Variants in TMEM44 observed in about 807,000 individuals in gnomAD.
TMEM44 encodes the protein transmembrane protein 44.
TMEM44 carries 43 observed loss-of-function variants against 47.8 expected under a neutral mutation model. The ratio of observed to expected loss-of-function variants is 0.90; its 90% CI spans 0.70 to 1.16. The LOEUF (loss-of-function observed/expected upper bound fraction) is 1.16, where lower values mean the gene tolerates loss of function less well. Among genes scored for constraint, TMEM44 ranks in the 50% most tolerant of loss-of-function variants. TMEM44 has a pLI of 0.00. For missense variants in TMEM44, 568 were observed against 555.2 expected, an observed-to-expected ratio of 1.02 and a Z score of -0.23; for synonymous variants, 277 against 238.8, an observed-to-expected ratio of 1.16 and a Z score of -1.48.
Position 194,588,346 on chromosome 3 carries a change from A to C in TMEM44, c.*183T>G, listed in dbSNP as rs185079464. The C allele has an allele frequency of 1.7e-6, 1 of 594,496 alleles. No individual in the cohort carries two copies. The highest frequency in any genetic ancestry group is 2.8e-5 in the East Asian group (1 of 35,592). The allele number at this position is 594,496 out of a possible 1,614,324, so 36.8% of individuals were successfully genotyped here. A position where few individuals can be genotyped will look rare whatever the true frequency, so the allele number is the denominator to read the frequency against. ...CTATCCAGGTCTGTCCGCAGTACCC[A>C]AAGTCGTAGCTCCGTGATGAGCTAT... On this transcript the variant is annotated 3_prime_UTR_variant, in exon 10 of 10. Coordinates refer to ENST00000347147, the MANE Select transcript of TMEM44 (RefSeq NM_001011655.3).
rs575900578 is a variant in TMEM44, at chr3:194,611,705, A to C, written c.913-685T>G. Among the ~76,000 whole-genome samples the C allele has an allele frequency of 6.6e-6, 1 of 152,096 alleles. No individual in the cohort carries two copies. The highest frequency in any genetic ancestry group is 1.5e-5 in the Non-Finnish European group (1 of 68,030). On this transcript the variant is annotated intron_variant, in intron 7 of 9. Coordinates refer to ENST00000347147, the MANE Select transcript of TMEM44 (RefSeq NM_001011655.3). The surrounding 1 kb of genome is among the most constrained non-coding windows in gnomAD (Gnocchi z 4.2). ...GTTCTCTAACCTTGATGCACATCAG[A>C]AGCACCCTGTGGGTTTTGCTAAAAT...
At position 194,604,434 on chromosome 3, in the gene TMEM44, A is replaced by T; in HGVS notation, c.1029T>A (p.Ser343Arg). The change falls in exon 9 of 10, where the codon AGT (serine) becomes AGA (arginine). Residue 343 changes from serine to arginine, a missense_variant. By Grantham distance (110) the Ser-to-Arg change is moderately radical. Transcript: ENST00000347147. The stretch of plus-strand genomic sequence containing the variant: ...GCCCGTCACCTGGCAGCCTGGTGGC[A>T]CTGCAGCCTGCCTGCAAGGTGTGTG... ...TIEPVQQAGC[S>R]ATRLPGDGQT... is the part of the protein sequence containing the mutation. 6.6e-7 allele frequency: 1 copy of T among 1,517,734 alleles called. No homozygotes were observed. The highest frequency in any genetic ancestry group is 8.9e-7 in the Non-Finnish European group (1 of 1,125,704). 94.0% of individuals were successfully genotyped at this position (1,517,734 alleles called of 1,614,324 possible).
intron 8 of TMEM44, among the ~76,000 whole-genome samples, chr3:194,609,355 C>T (rs1280193847): frequency 2.6e-5 from 4 of 151,996 alleles, no homozygotes; most frequent in Non-Finnish European, 4.4e-5. Flanking sequence ...TGGGACAGGG[C>T]GTTGGACTCC....
In TMEM44 at chr3:194,633,253, G is replaced by C; in HGVS notation, c.-38C>G. 1 of 1,137,834 alleles carries C rather than the reference G, an allele frequency of 8.8e-7. No homozygotes were observed. Among genetic ancestry groups the C allele is most frequent in the Non-Finnish European group, 1.1e-6 (1 of 913,934 alleles). The allele number at this position is 1,137,834 out of a possible 1,614,324, so 70.5% of individuals were successfully genotyped here. A position where few individuals can be genotyped will look rare whatever the true frequency, so the allele number is the denominator to read the frequency against. On this transcript the variant is annotated 5_prime_UTR_variant, in exon 1 of 10. Coordinates refer to ENST00000347147, the MANE Select transcript of TMEM44 (RefSeq NM_001011655.3). ...CGCGCGGCGCGGGGCCGGGGACCTGGGCGCAGCCTCCCTCGCCGCGGGCAA... is the reference window on the plus strand; with the variant it reads ...CGCGCGGCGCGGGGCCGGGGACCTGCGCGCAGCCTCCCTCGCCGCGGGCAA...
intron 1 of TMEM44, among the ~76,000 whole-genome samples, chr3:194,632,199 G>T (rs1717895371): frequency 6.6e-6 from 1 of 152,226 alleles, no homozygotes; most frequent in African/African-American, 2.4e-5. Flanking sequence ...GTTAATGAAT[G>T]CAACACTGGG....
chr3:194,632,362 C>T (rs1717914500), intron 1 of TMEM44, among the ~76,000 whole-genome samples: 1 of 152,054 alleles, frequency 6.6e-6, no homozygotes, highest in African/African-American at 2.4e-5. Flanking sequence ...GGTGCTGGTC[C>T]TTTCTCCCCT....
chr3:194,602,085 C>T (rs1405302065), intron 9 of TMEM44, among the ~76,000 whole-genome samples: 1 of 152,212 alleles, frequency 6.6e-6, no homozygotes, highest in East Asian at 1.9e-4. Flanking sequence ...AGGCTGCCAG[C>T]CACGTGCCTT....
At chr3:194,616,983 G>A in intron 6 of TMEM44, 116 bp downstream of exon 6, 3 of 1,184,576 alleles carry the variant, frequency 2.5e-6, no homozygotes, top group Non-Finnish European at 3.5e-6. Flanking sequence ...CTCCCTTACT[G>A]CTGGGAGAGT....
At chr3:194,628,821 A>T (rs1717459895) in intron 1 of TMEM44, among the ~76,000 whole-genome samples, 1 of 152,126 alleles carries the variant, frequency 6.6e-6, no homozygotes, top group African/African-American at 2.4e-5. Flanking sequence ...CTAGCACTGA[A>T]AAAGCAGCCA....
chr3:194,606,214 C>T (rs771709785), intron 8 of TMEM44, among the ~76,000 whole-genome samples: 1 of 152,164 alleles, frequency 6.6e-6, no homozygotes, highest in East Asian at 1.9e-4. Context: ...CCCCTCTGCC[C>T]CTCTGGAGGC....
chr3:194,593,089 A>G, intron 9 of TMEM44: 1 of 1,613,312 alleles, frequency 6.2e-7, no homozygotes, highest in East Asian at 2.2e-5. Context: ...GAATAAAAAG[A>G]GAGACAGAAA....
intron 3 of TMEM44, among the ~76,000 whole-genome samples, chr3:194,625,059 G>A (rs1716993924): frequency 6.6e-6 from 1 of 152,060 alleles, no homozygotes; most frequent in South Asian, 2.1e-4. Context: ...GCACATGGCT[G>A]ACCCTTCTCA....
At chr3:194,595,509 C>A (rs1773176) in intron 9 of TMEM44, among the ~76,000 whole-genome samples, 4 of 152,052 alleles carry the variant, frequency 2.6e-5, no homozygotes, top group Admixed American at 6.6e-5. Context: ...TTACTCTTAC[C>A]TTTGGGGAGA....
chr3:194,629,750 G>A (rs1436500033), intron 1 of TMEM44, among the ~76,000 whole-genome samples: 5 of 81,094 alleles, frequency 6.2e-5, no homozygotes, highest in Admixed American at 2.4e-4. Flanking sequence ...TGTTTCCATC[G>A]GCGTCACTGA....
chr3:194,626,069 G>A, intron 2 of TMEM44, 79 bp from the exon 3 acceptor site: 1 of 1,121,878 alleles, frequency 8.9e-7, no homozygotes, highest in Admixed American at 1.7e-5. Flanking sequence ...CCGGGACCCT[G>A]TATCACATGG....
Position 194,623,612 on chromosome 3 carries a change from A to G in TMEM44, c.442T>C (p.Cys148Arg), listed in dbSNP as rs1716821038. 3 of 1,612,738 alleles carry G rather than the reference A, an allele frequency of 1.9e-6. No individual in the cohort carries two copies. Among genetic ancestry groups the G allele is most frequent in the Middle Eastern group, 1.7e-4 (1 of 6,054 alleles). Residue 148 changes from cysteine to arginine, a missense_variant, in exon 4 of 10, where the codon TGC becomes CGC. Coordinates refer to ENST00000347147, the MANE Select transcript of TMEM44 (RefSeq NM_001011655.3). ...ALALPLSLGP[C>R]WALWVAVPKA... ...GGGACAGCAACCCACAGAGCCCAGC[A>G]CGGGCCCAGGCTCAGCGGCAGGGCC...
At chr3:194,625,434 G>GT (rs1717041496) in intron 3 of TMEM44, among the ~76,000 whole-genome samples, 2 of 114,978 alleles carry the variant, frequency 1.7e-5, no homozygotes, top group African/African-American at 6.4e-5. Flanking sequence ...CTTTTTTGGG[G>GT]GGGGGGGGTT....
In TMEM44 at chr3:194,633,342, C is replaced by A. The variant is rs915665931; in HGVS notation, c.-127G>T. 1.4e-4 allele frequency: 48 copies of A among 352,654 alleles called. 1 individual carries two copies. The highest frequency in any genetic ancestry group is 4.8e-5 in the Non-Finnish European group (12 of 249,582). The allele number at this position is 352,654 out of a possible 1,614,324, so 21.8% of individuals were successfully genotyped here. A position where few individuals can be genotyped will look rare whatever the true frequency, so the allele number is the denominator to read the frequency against. Reference sequence around the variant, plus strand: ...TCCGTTCCGCCGCGGCGCCTCCGGCCGAGCGCACCGACCGCGGGCAGAGAA... The same window carrying A: ...TCCGTTCCGCCGCGGCGCCTCCGGCAGAGCGCACCGACCGCGGGCAGAGAA... On this transcript the variant is annotated 5_prime_UTR_variant, in exon 1 of 10. Coordinates refer to ENST00000347147, the MANE Select transcript of TMEM44 (RefSeq NM_001011655.3).
At chr3:194,595,231 A>G (rs886791777) in intron 9 of TMEM44, among the ~76,000 whole-genome samples, 1 of 152,198 alleles carries the variant, frequency 6.6e-6, no homozygotes, top group Non-Finnish European at 1.5e-5. Context: ...TGCCCTTAAA[A>G]TCATCTTCAG....
Sources: gnomAD v4.1 joint callset for allele counts (sites outside exome capture counted in the v4.1 genomes callset) on GRCh38, gnomAD v4.1.1 for gene constraint, Gnocchi (gnomAD v3.1) non-coding constraint, MANE v1.5 for transcripts, NCBI Gene and HGNC (gene_info 2026-07-23, HGNC 2026-07-21) for gene names.